Variants in IGSF11 observed in about 807,000 individuals in gnomAD.
IGSF11 encodes the protein immunoglobulin superfamily member 11.
Under a neutral mutation model 41.0 loss-of-function variants are expected in IGSF11, and 22 were observed. The observed-to-expected ratio is 0.54, with a 90% CI of 0.38 to 0.77. The LOEUF (loss-of-function observed/expected upper bound fraction) is 0.77. Ranked by LOEUF, IGSF11 falls within the 30% of genes least tolerant of loss-of-function variation. IGSF11 has a pLI of 0.00. For missense variants in IGSF11, 444 were observed against 530.8 expected (o/e 0.84, Z 1.61); for synonymous variants, 219 against 201.3 (o/e 1.09, Z -0.74).
At chr3:118,960,088 G>GTT (rs1421026638) in intron 1 of IGSF11, among the ~76,000 whole-genome samples, 2 of 151,664 alleles carry the variant, frequency 1.3e-5, no homozygotes, top group Non-Finnish European at 2.9e-5. Context: ...GAACAAAAAG[G>GTT]TTATACACCC....
rs1306241082 is a variant in IGSF11, at chr3:118,915,023, C to A, written c.581-9305G>T. Reference sequence around the variant, plus strand: ...TGACACCTCACACTGCAGGGTATTCCAACAGACCTGCAGCTGAGGGTCCTG... The same window carrying A: ...TGACACCTCACACTGCAGGGTATTCAAACAGACCTGCAGCTGAGGGTCCTG... On this transcript the variant is annotated intron_variant, in intron 4 of 6. Coordinates refer to ENST00000393775, the MANE Select transcript of IGSF11 (RefSeq NM_001015887.3). Among the ~76,000 whole-genome samples the A allele has an allele frequency of 3.6e-5, 5 of 137,284 alleles. No homozygotes were observed. In the South Asian group the frequency reaches 1.4e-3, roughly 38 times the overall value. 90.1% of individuals were successfully genotyped at this position (137,284 alleles called of 152,430 possible).
chr3:118,912,432 A>G (rs1199651005), intron 4 of IGSF11, among the ~76,000 whole-genome samples: 2 of 152,086 alleles, frequency 1.3e-5, no homozygotes, highest in African/African-American at 2.4e-5. Flanking sequence ...TGGATTTTCA[A>G]TTGCTGCAGG....
chr3:118,980,517 G>A (rs1377597126), intron 1 of IGSF11, among the ~76,000 whole-genome samples: 1 of 152,302 alleles, frequency 6.6e-6, no homozygotes, highest in Middle Eastern at 3.4e-3. Flanking sequence ...AGACTGGGAC[G>A]GATGTAAGGG....
chr3:118,959,886 TA>T (rs552275333), intron 1 of IGSF11, among the ~76,000 whole-genome samples: 5 of 150,512 alleles, frequency 3.3e-5, no homozygotes, highest in South Asian at 2.1e-4. Context: ...CCTCTAAAAA[TA>T]AAAAAAAATT....
intron 1 of IGSF11, among the ~76,000 whole-genome samples, chr3:119,023,450 A>C (rs1939512746): frequency 6.6e-6 from 1 of 152,168 alleles, no homozygotes; most frequent in African/African-American, 2.4e-5. Context: ...TACAATTGAC[A>C]TAGTTCCTAA....
chr3:119,121,405 G>T (rs1198856927), intron 1 of IGSF11, among the ~76,000 whole-genome samples: 1 of 152,086 alleles, frequency 6.6e-6, no homozygotes, highest in East Asian at 1.9e-4. Context: ...CTGCAGCTGA[G>T]AAGTACAATA....
In IGSF11 at chr3:118,960,197, C is replaced by G. The variant is rs974284342; in HGVS notation, c.53-29922G>C. Among the ~76,000 whole-genome samples, 6 of 152,190 alleles carry G rather than the reference C, an allele frequency of 3.9e-5. 1 individual carries two copies. The highest frequency in any genetic ancestry group is 1.9e-4 in the East Asian group (1 of 5,188). ...AGAACTTTGAAAATGTTCCTATTAT[C>G]TAGCCCAGTAATTCCATTTCAAAGA... is the stretch of plus-strand genomic sequence containing the variant. On this transcript the variant is annotated intron_variant, in intron 1 of 6. Coordinates refer to ENST00000393775, the MANE Select transcript of IGSF11 (RefSeq NM_001015887.3).
At chr3:118,937,307 A>G (rs1943358723) in intron 1 of IGSF11, among the ~76,000 whole-genome samples, 1 of 152,194 alleles carries the variant, frequency 6.6e-6, no homozygotes, top group South Asian at 2.1e-4. Flanking sequence ...AGTTTATCAG[A>G]CTGACATGAG....
intron 1 of IGSF11, chr3:118,948,099 G>GA (rs1404880925): frequency 2.0e-5 from 3 of 152,188 alleles, no homozygotes; most frequent in African/African-American, 7.2e-5. Context: ...TATATACACA[G>GA]AAACATGCTG....
At chr3:119,067,570 A>G (rs932907766) in intron 1 of IGSF11, among the ~76,000 whole-genome samples, 1 of 152,218 alleles carries the variant, frequency 6.6e-6, no homozygotes, top group Non-Finnish European at 1.5e-5. Context: ...AGAAGCTTTC[A>G]GCTTAGCTCT....
At chr3:119,082,718 A>G (rs778962347) in intron 1 of IGSF11, among the ~76,000 whole-genome samples, 1 of 152,202 alleles carries the variant, frequency 6.6e-6, no homozygotes, top group African/African-American at 2.4e-5. Flanking sequence ...TTCAGTTTGT[A>G]TTTAGTGTTT....
intron 4 of IGSF11, among the ~76,000 whole-genome samples, chr3:118,924,327 T>C (rs1232144851): frequency 6.6e-6 from 1 of 152,112 alleles, no homozygotes; most frequent in African/African-American, 2.4e-5. Flanking sequence ...TTTCAGAAAA[T>C]GCATCATGAG....
chr3:119,139,003 A>G (rs544468298), intron 1 of IGSF11, among the ~76,000 whole-genome samples: 1 of 152,288 alleles, frequency 6.6e-6, no homozygotes, highest in South Asian at 2.1e-4. Flanking sequence ...ACATTTTACA[A>G]TAACTAAAAA....
intron 1 of IGSF11, among the ~76,000 whole-genome samples, chr3:118,979,069 A>C (rs908226384): frequency 6.6e-6 from 1 of 152,168 alleles, no homozygotes; most frequent in Non-Finnish European, 1.5e-5. Context: ...TGACTGGGAA[A>C]TTAACCAAAG....
chr3:118,971,032 A>T lies in IGSF11; in HGVS notation c.53-40757T>A, dbSNP rs185673755. Among the ~76,000 whole-genome samples the T allele has an allele frequency of 3.3e-5, 5 of 152,316 alleles. No individual in the cohort carries two copies. In the East Asian group the frequency reaches 7.7e-4, roughly 24 times the overall value. On this transcript the variant is annotated intron_variant, in intron 1 of 6. Coordinates refer to ENST00000393775, the MANE Select transcript of IGSF11 (RefSeq NM_001015887.3). ...CATGCCCTGCCAAAGCCCAGGGGTG[A>T]ATCCTGCTGAGCTCTGGAGCTCACA... is the stretch of plus-strand genomic sequence containing the variant.
chr3:119,115,239 G>A (rs1056429428), intron 1 of IGSF11, among the ~76,000 whole-genome samples: 1 of 152,168 alleles, frequency 6.6e-6, no homozygotes, highest in African/African-American at 2.4e-5. Flanking sequence ...GATACATTGG[G>A]TTTCCTTGCT....
At chr3:119,007,733 C>T (rs868831211) in intron 1 of IGSF11, among the ~76,000 whole-genome samples, 12 of 152,220 alleles carry the variant, frequency 7.9e-5, no homozygotes, top group Middle Eastern at 3.4e-3. Flanking sequence ...TCCTACAACT[C>T]GACATTTCAA....
chr3:119,115,233 C>A (rs367924081), intron 1 of IGSF11, among the ~76,000 whole-genome samples: 1 of 152,336 alleles, frequency 6.6e-6, no homozygotes, highest in South Asian at 2.1e-4. Context: ...CTCTTTGATA[C>A]ATTGGGTTTC....
At chr3:119,096,893 C>T (rs1306994566) in intron 1 of IGSF11, among the ~76,000 whole-genome samples, 1 of 152,068 alleles carries the variant, frequency 6.6e-6, no homozygotes, top group African/African-American at 2.4e-5. Flanking sequence ...TAATGCATAC[C>T]ATCCCTTCTT....
Sources: allele counts gnomAD v4.1 joint callset (sites outside exome capture counted in the v4.1 genomes callset), GRCh38; gene constraint gnomAD v4.1.1; transcripts MANE v1.5; gene names NCBI Gene and HGNC (gene_info 2026-07-23, HGNC 2026-07-21).